The following ACTL8 variants were observed in gnomAD, a reference collection of about 807,000 sequenced individuals.
The protein encoded by ACTL8 is actin-like protein 8.
A neutral mutation model predicts 9.3 loss-of-function variants in ACTL8; 3 were observed. That is an observed-to-expected ratio of 0.32 (90% CI 0.15 to 0.83). The LOEUF (loss-of-function observed/expected upper bound fraction) is 0.83. ACTL8 is among the 40% of genes least tolerant of loss of function. The probability of loss-of-function intolerance (pLI) is 0.57; values close to 1 mark genes in which losing one functional copy is unlikely to be tolerated. For synonymous variants in ACTL8, 224 were observed against 205.9 expected (o/e 1.09, Z -0.75); for missense variants, 381 against 492.2 (o/e 0.77, Z 2.14).
chr1:17,766,642 A>G (rs913277240), intron 1 of ACTL8, among the ~76,000 whole-genome samples: 2 of 152,162 alleles, frequency 1.3e-5, no homozygotes, highest in African/African-American at 4.8e-5. Flanking sequence ...GGGGGCTGTG[A>G]TTATCCCCAC....
chr1:17,781,598 T>C (rs2102683478), intron 1 of ACTL8, among the ~76,000 whole-genome samples: 1 of 152,304 alleles, frequency 6.6e-6, no homozygotes, highest in East Asian at 1.9e-4. Flanking sequence ...CAGGAGGATT[T>C]CATCTTGAGA....
chr1:17,777,364 G>A (rs1318393404), intron 1 of ACTL8, among the ~76,000 whole-genome samples: 1 of 152,110 alleles, frequency 6.6e-6, no homozygotes, highest in Non-Finnish European at 1.5e-5. Flanking sequence ...GGGTGGCACA[G>A]CGCCCCTGAA....
intron 1 of ACTL8, among the ~76,000 whole-genome samples, chr1:17,811,192 CT>C (rs1341402277): frequency 6.6e-6 from 1 of 152,168 alleles, no homozygotes; most frequent in Non-Finnish European, 1.5e-5. Context: ...TCTCTAGTGA[CT>C]AATGACATTT....
chr1:17,808,489 CT>C (rs2066373437), intron 1 of ACTL8, among the ~76,000 whole-genome samples: 1 of 152,226 alleles, frequency 6.6e-6, no homozygotes, highest in South Asian at 2.1e-4. Flanking sequence ...GGATTTGAAT[CT>C]TGACTACACT....
intron 1 of ACTL8, among the ~76,000 whole-genome samples, chr1:17,761,524 C>T (rs2066005377): frequency 6.6e-6 from 1 of 151,912 alleles, no homozygotes; most frequent in Non-Finnish European, 1.5e-5. Flanking sequence ...CAATTAATTA[C>T]CGAAGGAACA....
At chr1:17,790,280 G>A (rs2102687394) in intron 1 of ACTL8, among the ~76,000 whole-genome samples, 1 of 152,378 alleles carries the variant, frequency 6.6e-6, no homozygotes, top group South Asian at 2.1e-4. Flanking sequence ...AAGGGCCACA[G>A]CTCTTCTCTT....
chr1:17,809,383 A>G (rs528223205), intron 1 of ACTL8, among the ~76,000 whole-genome samples: 13 of 152,280 alleles, frequency 8.5e-5, no homozygotes, highest in Admixed American at 2.6e-4. Context: ...TGGAAGGGCT[A>G]GCCGGGGGTT....
chr1:17,789,463 C>CT (rs1259744101), intron 1 of ACTL8, among the ~76,000 whole-genome samples: 5 of 151,786 alleles, frequency 3.3e-5, no homozygotes, highest in Admixed American at 3.3e-4. Context: ...GCCTATTTAC[C>CT]TTTTTCCTAT....
At chr1:17,760,417 C>T (rs1037851018) in intron 1 of ACTL8, among the ~76,000 whole-genome samples, 18 of 152,262 alleles carry the variant, frequency 1.2e-4, no homozygotes, top group East Asian at 1.9e-4. Flanking sequence ...TTTTCACAGG[C>T]GTGCATAGGA....
intron 1 of ACTL8, among the ~76,000 whole-genome samples, chr1:17,819,974 C>T (rs1014423763): frequency 6.6e-6 from 1 of 151,998 alleles, no homozygotes; most frequent in African/African-American, 2.4e-5. Flanking sequence ...GTGCCACTGC[C>T]CTCCAGCCTG....
At chr1:17,764,917 A>G (rs1030405357) in intron 1 of ACTL8, among the ~76,000 whole-genome samples, 3 of 152,148 alleles carry the variant, frequency 2.0e-5, no homozygotes, top group African/African-American at 4.8e-5. Context: ...AAGATGGCAC[A>G]TGACTTGGGG....
At chr1:17,758,230 TG>T (rs2065979884) in intron 1 of ACTL8, among the ~76,000 whole-genome samples, 1 of 152,188 alleles carries the variant, frequency 6.6e-6, no homozygotes, top group Non-Finnish European at 1.5e-5. Context: ...AGCACTTCAC[TG>T]TCAAGGACAA....
rs1188002954 is a variant in ACTL8, at chr1:17,767,344, G to C, written c.-25+11840G>C. Reference sequence around the variant, plus strand: ...AGAGCCGGGGGATGAGGCGGAGGCAGGGGGGCCAGTGTGGGGGCCGTCCCT... The same window carrying C: ...AGAGCCGGGGGATGAGGCGGAGGCACGGGGGCCAGTGTGGGGGCCGTCCCT... On this transcript the variant is annotated intron_variant, in intron 1 of 2. Transcript: ENST00000375406. This position sits in a 1 kb window ranked among gnomAD's most constrained non-coding sequence, Gnocchi z 4.7. Among the ~76,000 whole-genome samples, 2 of 152,132 alleles carry C rather than the reference G, an allele frequency of 1.3e-5. No individual in the cohort carries two copies. The highest frequency in any genetic ancestry group is 1.9e-4 in the East Asian group (1 of 5,188).
chr1:17,820,624 A>G (rs986804847), intron 1 of ACTL8, among the ~76,000 whole-genome samples: 1 of 150,904 alleles, frequency 6.6e-6, no homozygotes, highest in African/African-American at 2.4e-5. Flanking sequence ...CTGGAGTACA[A>G]TGGTGCGATC....
intron 1 of ACTL8, among the ~76,000 whole-genome samples, chr1:17,757,324 G>A (rs1397289999): frequency 6.6e-6 from 1 of 152,078 alleles, no homozygotes; most frequent in Non-Finnish European, 1.5e-5. Flanking sequence ...AAATTTAATT[G>A]TGCTGGTTGC....
intron 1 of ACTL8, among the ~76,000 whole-genome samples, chr1:17,813,243 A>T (rs553520008): frequency 1.3e-5 from 2 of 152,180 alleles, no homozygotes; most frequent in Non-Finnish European, 2.9e-5. Context: ...AAAGCATCCT[A>T]CTTCTCACTA....
rs767444026 is a variant in ACTL8, at chr1:17,825,913, C to G, written c.495C>G (p.Pro165=). The G allele has an allele frequency of 1.2e-5, 19 of 1,612,874 alleles. No homozygotes were observed. The African/African-American group carries it at 1.7e-4, about 15-fold the overall frequency. Reference sequence around the variant, plus strand: ...TGCAGCCTTTCCACCAGGGCCGCCCCTTGCCCGCCAGCGGCAAGACGCTGG... The same window carrying G: ...TGCAGCCTTTCCACCAGGGCCGCCCGTTGCCCGCCAGCGGCAAGACGCTGG... ...TRVQPFHQGR[P]LPASGKTLEF... Residue 165 remains proline, a synonymous_variant, in exon 3 of 3, where the codon CCC becomes CCG. Coordinates refer to ENST00000375406, the MANE Select transcript of ACTL8 (RefSeq NM_030812.3).
At chr1:17,824,201 T>G (rs947480392) in intron 2 of ACTL8, among the ~76,000 whole-genome samples, 4 of 152,186 alleles carry the variant, frequency 2.6e-5, no homozygotes, top group African/African-American at 4.8e-5. Flanking sequence ...GTGCTTGGAT[T>G]CTACTTTAAA....
rs554611623 is a variant in ACTL8 at position 17,760,488 on chromosome 1, G to A, written c.-25+4984G>A. ...GCACTTGGCATGGGGCTGGCATGGA[G>A]CAGATGCACAGTGGTTGCAGCCAAC... On this transcript the variant is annotated intron_variant, in intron 1 of 2. Transcript: ENST00000375406. Among the ~76,000 whole-genome samples, 500 of 152,320 alleles carry A rather than the reference G, an allele frequency of 3.3e-3. 5 individuals carry two copies. Among genetic ancestry groups the A allele is most frequent in the Non-Finnish European group, 5.8e-3 (396 of 68,032 alleles).
Sources: gnomAD v4.1 joint callset for allele counts (sites outside exome capture counted in the v4.1 genomes callset) on GRCh38, gnomAD v4.1.1 for gene constraint, Gnocchi (gnomAD v3.1) non-coding constraint, MANE v1.5 for transcripts, NCBI Gene and HGNC (gene_info 2026-07-23, HGNC 2026-07-21) for gene names.